LAMA4: variants seen among roughly 807,000 people sequenced by gnomAD.
The protein encoded by LAMA4 is laminin subunit alpha 4.
Under a neutral mutation model 207.1 loss-of-function variants are expected in LAMA4, and 127 were observed. The ratio of observed to expected loss-of-function variants is 0.61; its 90% CI spans 0.53 to 0.71. The LOEUF is 0.71. LAMA4 is among the 30% of genes least tolerant of loss of function. The pLI, the probability that LAMA4 is intolerant of heterozygous loss-of-function variation, is 0.00. For synonymous variants in LAMA4, 761 were observed against 816.0 expected, an observed-to-expected ratio of 0.93 and a Z score of 1.15; for missense variants, 2,093 against 2,246.5, an observed-to-expected ratio of 0.93 and a Z score of 1.38.
At chr6:112,227,366 G>T (rs531828848) in intron 2 of LAMA4, among the ~76,000 whole-genome samples, 1 of 152,054 alleles carries the variant, frequency 6.6e-6, no homozygotes, top group Non-Finnish European at 1.5e-5. Context: ...ACCGTGCCCC[G>T]CCTGACTATG....
At chr6:112,253,522 T>C in intron 2 of LAMA4, 1 of 480,444 alleles carries the variant, frequency 2.1e-6, no homozygotes, top group South Asian at 2.1e-5. Flanking sequence ...TTGTCTAATA[T>C]GAGACAAAAA....
chr6:112,167,840 T>TCACACACA (rs71021873), intron 12 of LAMA4, among the ~76,000 whole-genome samples: 172 of 125,936 alleles, frequency 1.4e-3, no homozygotes, highest in South Asian at 2.7e-3. Context: ...ATGCATACCA[T>TCACACACA]CACACACACA....
chr6:112,109,582 T>G lies in LAMA4; in HGVS notation c.5327A>C (p.Glu1776Ala). The G allele has an allele frequency of 6.2e-7, 1 of 1,614,048 alleles. No individual in the cohort carries two copies. The highest frequency in any genetic ancestry group is 8.5e-7 in the Non-Finnish European group (1 of 1,179,952). ...GGCCAAGCGTGGTGTCAGTAGAGAT[T>G]CTGAAAAGAGCAAGAAATAAAAACA... Reference protein sequence around the residue: ...REPVFVGGVPESLLTPRLAPS... With the variant: ...REPVFVGGVPASLLTPRLAPS... The change falls in exon 39 of 39, where the codon GAA becomes GCA. Residue 1776 changes from glutamate (E) to alanine (A), a missense_variant and splice_region_variant. By Grantham distance (107) the Glu-to-Ala change is moderately radical (BLOSUM62 -1). Around this residue, in one of 3 missense-constraint regions of LAMA4, gnomAD observed 383 missense variants for 437.8 expected, o/e 0.87. Transcript: ENST00000230538.
At chr6:112,120,555 G>A (rs1266837888) in intron 32 of LAMA4, 83 bp from the exon 33 acceptor site, 17 of 1,088,882 alleles carry the variant, frequency 1.6e-5, no homozygotes, top group Non-Finnish European at 2.3e-5. Flanking sequence ...TACAGTGTAA[G>A]GAAGAATAAA....
intron 2 of LAMA4, chr6:112,253,678 C>A: frequency 1.3e-6 from 2 of 1,489,172 alleles, no homozygotes; most frequent in Non-Finnish European, 1.9e-6. Context: ...GCTGCAGTCC[C>A]CGGTGAGAGT....
In LAMA4 at chr6:112,108,161, A is replaced by G. The variant is rs1187615106; in HGVS notation, c.*1276T>C. 2.0e-5 allele frequency among the ~76,000 whole-genome samples: 3 copies of G among 152,068 alleles called. No homozygotes were observed. Among genetic ancestry groups the G allele is most frequent in the African/African-American group, 7.2e-5 (3 of 41,396 alleles). ...TTTTATTCCCCTTGGTAATTCCTCA[A>G]AATATTTTATATCCTCTCCCCTCAA... On this transcript the variant is annotated 3_prime_UTR_variant, in exon 39 of 39. Coordinates refer to ENST00000230538, the MANE Select transcript of LAMA4 (RefSeq NM_001105206.3).
At chr6:112,186,705 G>C (rs996759547) in intron 8 of LAMA4, 1 of 441,462 alleles carries the variant, frequency 2.3e-6, no homozygotes. Context: ...TGTCAATGCT[G>C]TGTAAATAGT....
chr6:112,202,947 T>C (rs1783846184), intron 4 of LAMA4, among the ~76,000 whole-genome samples: 1 of 152,102 alleles, frequency 6.6e-6, no homozygotes, highest in African/African-American at 2.4e-5. Context: ...ACAGATGACA[T>C]TTTCCTTAAC....
In LAMA4 at chr6:112,148,292, C is replaced by A. The variant is rs1554335004; in HGVS notation, c.2218G>T (p.Glu740Ter). The A allele has an allele frequency of 6.2e-7, 1 of 1,614,196 alleles. No individual in the cohort carries two copies. Among genetic ancestry groups the A allele is most frequent in the Admixed American group, 1.7e-5 (1 of 60,022 alleles). ...ACCTCCATCGTCGTCCTGTTGGCTTCCTCGGTGATCAGTCTAGACTGCCCC... is the reference window on the plus strand; with the variant it reads ...ACCTCCATCGTCGTCCTGTTGGCTTACTCGGTGATCAGTCTAGACTGCCCC... Reference protein sequence around the residue: ...RLGQSRLITEEANRTTMEVQQ... With the variant: ...RLGQSRLITE Residue 740 changes from glutamate (E) to a stop codon, truncating the protein, a stop_gained, in exon 18 of 39, where the codon GAA becomes TAA. Coordinates refer to ENST00000230538, the MANE Select transcript of LAMA4 (RefSeq NM_001105206.3). LOFTEE classifies it high-confidence loss of function.
At chr6:112,155,510 A>G in intron 15 of LAMA4, 55 bp downstream of exon 15, 1 of 1,598,114 alleles carries the variant, frequency 6.3e-7, no homozygotes, top group Non-Finnish European at 8.6e-7. Flanking sequence ...GACATCAGAA[A>G]ACAGAAAAGC....
In LAMA4 at chr6:112,129,965, T is replaced by C. The variant is rs781962484; in HGVS notation, c.4044A>G (p.Ala1348=). 1 of 1,613,404 alleles carries C rather than the reference T, an allele frequency of 6.2e-7. No homozygotes were observed. The highest frequency in any genetic ancestry group is 1.1e-5 in the South Asian group (1 of 91,078). Residue 1348 remains alanine, a synonymous_variant, in exon 30 of 39, where the codon GCA becomes GCG. Coordinates refer to ENST00000230538, the MANE Select transcript of LAMA4 (RefSeq NM_001105206.3). ...PTKGKIEQTQ[A]SEKKFYFGGS... ...CACCGAAGTAAAACTTCTTTTCACT[T>C]GCTTGTGTCTGTTCTATTTTCCCTT...
At chr6:112,180,468 A>G (rs1380811076) in intron 9 of LAMA4, among the ~76,000 whole-genome samples, 1 of 152,194 alleles carries the variant, frequency 6.6e-6, no homozygotes, top group East Asian at 1.9e-4. Context: ...TGGAAGGAAA[A>G]TAATGATATA....
chr6:112,116,460 T>C (rs1389798942), intron 35 of LAMA4, among the ~76,000 whole-genome samples: 6 of 152,140 alleles, frequency 3.9e-5, no homozygotes, highest in Non-Finnish European at 5.9e-5. Context: ...AGGGCTCTAG[T>C]GGTGAAGTAT....
intron 2 of LAMA4, 109 bp downstream of exon 2, chr6:112,253,847 C>CAAGG (rs782151033): frequency 1.2e-6 from 2 of 1,614,238 alleles, no homozygotes; most frequent in South Asian, 2.2e-5. Flanking sequence ...GTGAAACTCT[C>CAAGG]AAGGCACTGG....
intron 5 of LAMA4, among the ~76,000 whole-genome samples, chr6:112,198,363 T>C (rs552411009): frequency 6.6e-6 from 1 of 152,302 alleles, no homozygotes; most frequent in African/African-American, 2.4e-5. Flanking sequence ...AAAACAGATA[T>C]CCATACAAAT....
chr6:112,254,512 A>C lies in LAMA4; in HGVS notation c.-195T>G. On this transcript the variant is annotated 5_prime_UTR_variant, in exon 1 of 39. Transcript: ENST00000230538. The stretch of plus-strand genomic sequence containing the variant: ...GGGTGAGCCCCGCCAGCGCTAGGCC[A>C]CCTCCTCTCCCTGGCCGTTCGGGAC... 1 of 359,532 alleles carries C rather than the reference A, an allele frequency of 2.8e-6. No homozygotes were observed. The highest frequency in any genetic ancestry group is 5.3e-6 in the Non-Finnish European group (1 of 188,028). 22.3% of individuals were successfully genotyped at this position (359,532 alleles called of 1,614,324 possible).
rs1554325201 is a variant in LAMA4, at chr6:112,119,190, C to T, written c.4787G>A (p.Gly1596Asp). Reference sequence around the variant, plus strand: ...TTTCACAGCCTTTCCAGGAGCCACACCTCCCAAATAAATGGGACCCTTGAT... The same window carrying T: ...TTTCACAGCCTTTCCAGGAGCCACATCTCCCAAATAAATGGGACCCTTGAT... ...WKIKGPIYLGGVAPGKAVKNV... is the reference protein window; with the variant it reads ...WKIKGPIYLGDVAPGKAVKNV... The change falls in exon 34 of 39, where the codon GGT (glycine) becomes GAT (aspartate). Residue 1596 changes from glycine (G) to aspartate (D), a missense_variant. Transcript: ENST00000230538. 6.2e-7 allele frequency: 1 copy of T among 1,614,046 alleles called. No individual in the cohort carries two copies. The highest frequency in any genetic ancestry group is 1.1e-5 in the South Asian group (1 of 91,088).
intron 2 of LAMA4, among the ~76,000 whole-genome samples, chr6:112,242,689 G>A (rs1312106053): frequency 1.3e-5 from 2 of 152,118 alleles, no homozygotes; most frequent in African/African-American, 4.8e-5. Flanking sequence ...GACAATCAGC[G>A]CATTTAGACA....
At position 112,233,677 on chromosome 6, in the gene LAMA4, A is replaced by G. The variant is rs1554365032; in HGVS notation, c.196-17208T>C. On this transcript the variant is annotated intron_variant, in intron 2 of 38. Coordinates refer to ENST00000230538, the MANE Select transcript of LAMA4 (RefSeq NM_001105206.3). ...GTGGAGGATTTTCTGAAAGGAGGAA[A>G]GCTGAGGCTGAAAGAAAGCATAGGG... is the stretch of plus-strand genomic sequence containing the variant. Among the ~76,000 whole-genome samples the G allele has an allele frequency of 3.9e-5, 6 of 152,332 alleles. No homozygotes were observed. The South Asian group carries it at 8.3e-4, about 21-fold the overall frequency.
Sources: allele counts gnomAD v4.1 joint callset (sites outside exome capture counted in the v4.1 genomes callset), GRCh38; gene constraint gnomAD v4.1.1; regional missense constraint gnomAD v4.1.1; transcripts MANE v1.5; gene names NCBI Gene and HGNC (gene_info 2026-07-23, HGNC 2026-07-21).